Variants in FYTTD1 observed in about 807,000 individuals in gnomAD.
FYTTD1 encodes UAP56-interacting factor.
A neutral mutation model predicts 40.9 loss-of-function variants in FYTTD1; 22 were observed. The ratio of observed to expected loss-of-function variants is 0.54; its 90% CI spans 0.38 to 0.77. FYTTD1 has a LOEUF of 0.77. FYTTD1 is among the 30% of genes least tolerant of loss of function. The probability of loss-of-function intolerance (pLI) is 0.00; values close to 1 mark genes in which losing one functional copy is unlikely to be tolerated. For synonymous variants in FYTTD1, 140 were observed against 137.9 expected, an observed-to-expected ratio of 1.01 and a Z score of -0.10; for missense variants, 351 against 392.2, an observed-to-expected ratio of 0.90 and a Z score of 0.89.
At chr3:197,759,782 G>A (rs1245120865) in intron 2 of FYTTD1, among the ~76,000 whole-genome samples, 1 of 150,330 alleles carries the variant, frequency 6.7e-6, no homozygotes, top group Non-Finnish European at 1.5e-5. Context: ...GTGGTAGAAT[G>A]TATAGAGTGT....
chr3:197,785,320 A>G lies in FYTTD1; in HGVS notation c.*3411A>G, dbSNP rs1730130792. Reference sequence around the variant, plus strand: ...CTGAAGTCCCACATCTGTGTAAACGAAAAGTTGGCCCACTGTGTACATGGA... The same window carrying G: ...CTGAAGTCCCACATCTGTGTAAACGGAAAGTTGGCCCACTGTGTACATGGA... On this transcript the variant is annotated 3_prime_UTR_variant, in exon 9 of 9. Coordinates refer to ENST00000241502, the MANE Select transcript of FYTTD1 (RefSeq NM_032288.7). The G allele has an allele frequency of 6.6e-6, 1 of 152,206 alleles. No homozygotes were observed. The highest frequency in any genetic ancestry group is 1.5e-5 in the Non-Finnish European group (1 of 68,034). The allele number at this position is 152,206 out of a possible 1,614,324, so 9.4% of individuals were successfully genotyped here.
intron 6 of FYTTD1, among the ~76,000 whole-genome samples, chr3:197,775,673 T>C (rs1034281002): frequency 3.9e-5 from 6 of 152,228 alleles, no homozygotes; most frequent in South Asian, 2.1e-4. Context: ...GGCCCAGATA[T>C]GGTGCCAACT....
intron 2 of FYTTD1, 89 bp downstream of exon 2, chr3:197,756,646 G>C: frequency 8.6e-7 from 1 of 1,163,554 alleles, no homozygotes; most frequent in Non-Finnish European, 1.3e-6. Context: ...GTGGAGGAAT[G>C]CGTCAGTACT....
At chr3:197,763,587 G>C in intron 2 of FYTTD1, 1 of 421,184 alleles carries the variant, frequency 2.4e-6, no homozygotes, top group South Asian at 1.7e-5. Context: ...GACCAGCGTG[G>C]GCAACATAGG....
chr3:197,773,399 G>A lies in FYTTD1; in HGVS notation c.498-4G>A. On this transcript the variant is annotated splice_region_variant and splice_polypyrimidine_tract_variant and intron_variant, in intron 4 of 8. Coordinates refer to ENST00000241502, the MANE Select transcript of FYTTD1 (RefSeq NM_032288.7). The stretch of plus-strand genomic sequence containing the variant: ...TTAGCATGGCCTATGTGTTTTTGTT[G>A]CAGAAATAACATTCCAGCTAATTTT... The A allele has an allele frequency of 6.4e-7, 1 of 1,570,272 alleles. No individual in the cohort carries two copies. Among genetic ancestry groups the A allele is most frequent in the Non-Finnish European group, 8.7e-7 (1 of 1,144,246 alleles).
At chr3:197,779,161 TC>T (rs1459130676) in intron 8 of FYTTD1, among the ~76,000 whole-genome samples, 1 of 152,216 alleles carries the variant, frequency 6.6e-6, no homozygotes, top group Non-Finnish European at 1.5e-5. Context: ...ACGCCTGTAA[TC>T]CCAGCACTTT....
intron 8 of FYTTD1, 136 bp downstream of exon 8, chr3:197,778,600 T>G: frequency 1.7e-6 from 1 of 592,228 alleles, no homozygotes; most frequent in South Asian, 2.7e-5. Flanking sequence ...AATCTGCTTT[T>G]GTCTGCCATT....
chr3:197,769,902 C>G (rs148065362), intron 3 of FYTTD1, among the ~76,000 whole-genome samples: 2 of 152,086 alleles, frequency 1.3e-5, no homozygotes, highest in African/African-American at 4.8e-5. Context: ...CCACGATTCC[C>G]CATCACCTGT....
chr3:197,777,863 C>A (rs1012496537), intron 7 of FYTTD1, among the ~76,000 whole-genome samples: 8 of 152,198 alleles, frequency 5.3e-5, no homozygotes, highest in Non-Finnish European at 1.0e-4. Flanking sequence ...CATAGGCATG[C>A]ACCACCACAC....
chr3:197,784,403 T>G lies in FYTTD1; in HGVS notation c.*2494T>G, dbSNP rs1730108208. 6.6e-6 allele frequency: 1 copy of G among 152,230 alleles called. No individual in the cohort carries two copies. Among genetic ancestry groups the G allele is most frequent in the Admixed American group, 6.5e-5 (1 of 15,278 alleles). The allele number at this position is 152,230 out of a possible 1,614,324, so 9.4% of individuals were successfully genotyped here. On this transcript the variant is annotated 3_prime_UTR_variant, in exon 9 of 9. Coordinates refer to ENST00000241502, the MANE Select transcript of FYTTD1 (RefSeq NM_032288.7). ...TTTGTAGTTTTTAGGGTGTGAAACCTTATCTACTAGCAAAATTGGTAAATC... is the reference window on the plus strand; with the variant it reads ...TTTGTAGTTTTTAGGGTGTGAAACCGTATCTACTAGCAAAATTGGTAAATC...
chr3:197,766,251 G>A (rs1729541026), intron 2 of FYTTD1, among the ~76,000 whole-genome samples: 2 of 151,822 alleles, frequency 1.3e-5, no homozygotes, highest in South Asian at 4.2e-4. Context: ...AATCATGGAT[G>A]TGTTTAAAAA....
rs116329652 is a variant in FYTTD1, at chr3:197,764,447, C to T, written c.236-3992C>T. Among the ~76,000 whole-genome samples, 1,493 of 152,228 alleles carry T rather than the reference C, an allele frequency of 9.8e-3. 14 individuals carry two copies. Among genetic ancestry groups the T allele is most frequent in the African/African-American group, 0.034 (1,398 of 41,540 alleles). On this transcript the variant is annotated intron_variant, in intron 2 of 8. Coordinates refer to ENST00000241502, the MANE Select transcript of FYTTD1 (RefSeq NM_032288.7). ...GGAGGAGGCGGGGCCAAGTGGCTCACGCCAGTAATCCCAGCACTTTGGGAG... is the reference window on the plus strand; with the variant it reads ...GGAGGAGGCGGGGCCAAGTGGCTCATGCCAGTAATCCCAGCACTTTGGGAG...
At chr3:197,761,718 TG>T (rs1309184613) in intron 2 of FYTTD1, among the ~76,000 whole-genome samples, 1 of 152,248 alleles carries the variant, frequency 6.6e-6, no homozygotes, top group African/African-American at 2.4e-5. Context: ...ACTAATTTCA[TG>T]TTAGTACTAA....
intron 5 of FYTTD1, 100 bp downstream of exon 5, chr3:197,773,599 T>C (rs879644303): frequency 1.3e-5 from 9 of 677,892 alleles, no homozygotes; most frequent in Middle Eastern, 2.4e-4. Context: ...ATAGGCAGCA[T>C]TGGGTTCAGG....
intron 2 of FYTTD1, among the ~76,000 whole-genome samples, chr3:197,766,006 G>A (rs6583255): frequency 0.85 from 128,353 of 150,534 alleles, 54,825 homozygotes; most frequent in East Asian, 1. Context: ...AAAAAAATAT[G>A]TATATGTATA....
chr3:197,749,660 G>C, upstream of FYTTD1: 1 of 782,948 alleles, frequency 1.3e-6, no homozygotes. Flanking sequence ...GGTGCCCGCG[G>C]TCTAGCATCC....
rs759437326 is a variant in FYTTD1 at position 197,768,533 on chromosome 3, G to A, written c.330G>A (p.Thr110=). ...GVITGLAARK[T]TGIRKGISPM... Reference sequence around the variant, plus strand: ...TCACTGGCCTTGCAGCTAGGAAAACGACTGGAATTCGAAAAGGAATTAGTC... The same window carrying A: ...TCACTGGCCTTGCAGCTAGGAAAACAACTGGAATTCGAAAAGGAATTAGTC... Residue 110 remains threonine (T), a synonymous_variant, in exon 3 of 9, where the codon ACG becomes ACA. Transcript: ENST00000241502. The A allele has an allele frequency of 4.7e-5, 76 of 1,613,600 alleles. No individual in the cohort carries two copies. The Middle Eastern group carries it at 1.5e-3, about 31-fold the overall frequency.
In FYTTD1 at chr3:197,767,076, C is replaced by CTT. The variant is rs57992035; in HGVS notation, c.236-1353_236-1352dup. 3.4e-5 allele frequency among the ~76,000 whole-genome samples: 5 copies of CTT among 146,220 alleles called. No individual in the cohort carries two copies. The East Asian group carries it at 7.9e-4, about 23-fold the overall frequency. Reference sequence around the variant, plus strand: ...ACATGTCTATTTTTTAATTTACCCCCTTTTTTTTTTTAACGGGCAGCCCCT... The same window carrying CTT: ...ACATGTCTATTTTTTAATTTACCCCCTTTTTTTTTTTTTAACGGGCAGCCCCT... On this transcript the variant is annotated intron_variant, in intron 2 of 8. Transcript: ENST00000241502.
intron 4 of FYTTD1, among the ~76,000 whole-genome samples, chr3:197,772,747 T>C (rs564142606): frequency 4.3e-4 from 66 of 152,326 alleles, no homozygotes; most frequent in African/African-American, 1.5e-3. Flanking sequence ...TAGCTGGGAC[T>C]ACAGGCGTGT....
Sources: gnomAD v4.1 joint callset for allele counts (sites outside exome capture counted in the v4.1 genomes callset) on GRCh38, gnomAD v4.1.1 for gene constraint, MANE v1.5 for transcripts, NCBI Gene and HGNC (gene_info 2026-07-23, HGNC 2026-07-21) for gene names.